Variants in NAALADL2 observed in about 807,000 individuals in gnomAD.
The protein encoded by NAALADL2 is N-acetylated alpha-linked acidic dipeptidase like 2, also known as inactive N-acetylated-alpha-linked acidic dipeptidase-like protein 2.
NAALADL2 carries 76 observed loss-of-function variants against 87.2 expected under a neutral mutation model. The ratio of observed to expected loss-of-function variants is 0.87; its 90% CI spans 0.72 to 1.05. NAALADL2 has a LOEUF of 1.05. Among genes scored for constraint, NAALADL2 ranks in the 50% least tolerant of loss-of-function variants. The pLI is 0.00. For missense variants in NAALADL2, 1,089 were observed against 945.8 expected, an observed-to-expected ratio of 1.15 and a Z score of -1.99; for synonymous variants, 354 against 331.0, an observed-to-expected ratio of 1.07 and a Z score of -0.75.
intron 3 of NAALADL2, among the ~76,000 whole-genome samples, chr3:175,239,615 G>T (rs917926778): frequency 6.6e-6 from 1 of 151,936 alleles, no homozygotes; most frequent in Non-Finnish European, 1.5e-5. Flanking sequence ...TTTTTTATCT[G>T]AAAGATAAGC....
chr3:174,510,049 T>C (rs994940596), intron 1 of NAALADL2, among the ~76,000 whole-genome samples: 1 of 152,160 alleles, frequency 6.6e-6, no homozygotes, highest in Non-Finnish European at 1.5e-5. Context: ...AATTACATAA[T>C]ATATTTTTTG....
At chr3:174,689,188 A>G (rs888171612) in intron 2 of NAALADL2, among the ~76,000 whole-genome samples, 11 of 152,108 alleles carry the variant, frequency 7.2e-5, no homozygotes, top group African/African-American at 2.7e-4. Context: ...CATGAAAATA[A>G]CTTTTATATG....
At chr3:175,060,260 A>T (rs376354169) in intron 1 of NAALADL2, among the ~76,000 whole-genome samples, 116 of 152,334 alleles carry the variant, frequency 7.6e-4, no homozygotes, top group African/African-American at 2.6e-3. Flanking sequence ...ATTTCAATAT[A>T]TTAAAGTCCC....
chr3:174,680,844 A>G (rs920710793), intron 2 of NAALADL2, among the ~76,000 whole-genome samples: 1 of 152,192 alleles, frequency 6.6e-6, no homozygotes, highest in Admixed American at 6.5e-5. Context: ...AACTATACAT[A>G]CAAATAAATA....
At chr3:175,435,400 A>T (rs1038314464) in intron 5 of NAALADL2, among the ~76,000 whole-genome samples, 3 of 152,104 alleles carry the variant, frequency 2.0e-5, no homozygotes, top group African/African-American at 4.8e-5. Context: ...CAATTCAATT[A>T]TAGGACAGAC....
chr3:174,911,824 C>T (rs749870686), intron 1 of NAALADL2, among the ~76,000 whole-genome samples: 64 of 152,124 alleles, frequency 4.2e-4, no homozygotes, highest in Admixed American at 1.1e-3. Context: ...ACGATGTAGC[C>T]TCAAGTATGT....
chr3:174,568,811 C>CATT (rs918062973), intron 2 of NAALADL2, among the ~76,000 whole-genome samples: 8 of 150,840 alleles, frequency 5.3e-5, no homozygotes, highest in South Asian at 2.1e-4. Flanking sequence ...ATTCCACGTT[C>CATT]ATTATTATTA....
intron 2 of NAALADL2, among the ~76,000 whole-genome samples, chr3:175,209,977 A>G (rs1741523620): frequency 2.0e-5 from 3 of 151,888 alleles, no homozygotes; most frequent in African/African-American, 7.2e-5. Flanking sequence ...GAAAATAGCC[A>G]ACGAATAGTA....
chr3:175,157,266 G>T (rs1005922827), intron 2 of NAALADL2, among the ~76,000 whole-genome samples: 1 of 152,068 alleles, frequency 6.6e-6, no homozygotes, highest in Non-Finnish European at 1.5e-5. Flanking sequence ...AGCATGAACT[G>T]CAGAAGGCAG....
At chr3:175,071,652 C>G (rs992195233) in intron 1 of NAALADL2, among the ~76,000 whole-genome samples, 5 of 151,880 alleles carry the variant, frequency 3.3e-5, no homozygotes, top group African/African-American at 1.2e-4. Context: ...TATCAGTTGA[C>G]TGGGGAATGT....
chr3:174,823,847 A>T (rs1401346456), intron 3 of NAALADL2, among the ~76,000 whole-genome samples: 1 of 152,170 alleles, frequency 6.6e-6, no homozygotes. Context: ...AGTAGCTGGG[A>T]CTACAGGCAT....
intron 11 of NAALADL2, among the ~76,000 whole-genome samples, chr3:175,701,787 G>T (rs959136639): frequency 6.6e-6 from 1 of 152,134 alleles, no homozygotes; most frequent in African/African-American, 2.4e-5. Flanking sequence ...ATATTTCAAA[G>T]AATGTATTCA....
intron 11 of NAALADL2, among the ~76,000 whole-genome samples, chr3:175,652,483 T>C (rs982402053): frequency 1.8e-4 from 26 of 147,064 alleles, no homozygotes; most frequent in South Asian, 1.3e-3. Context: ...TTCTTTCTTT[T>C]TTTTTTTTTT....
rs151113360 is a variant in NAALADL2 at position 175,346,981 on chromosome 3, C to T, written c.1090+22656C>T. Among the ~76,000 whole-genome samples the T allele has an allele frequency of 3.0e-3, 397 of 133,240 alleles. 1 individual carries two copies. Among genetic ancestry groups the T allele is most frequent in the African/African-American group, 9.7e-3 (369 of 38,226 alleles). The allele number at this position is 133,240 out of a possible 152,430, so 87.4% of individuals were successfully genotyped here. On this transcript the variant is annotated intron_variant, in intron 5 of 13. Coordinates refer to ENST00000454872, the MANE Select transcript of NAALADL2 (RefSeq NM_207015.3). ...GGGCCTTTATACAAATTTAGTCTTG[C>T]GAGACAAGTATTACTGTTAACATTT...
At chr3:174,971,702 T>TGTGTGTG (rs1743677276) in intron 1 of NAALADL2, among the ~76,000 whole-genome samples, 1 of 149,682 alleles carries the variant, frequency 6.7e-6, no homozygotes, top group African/African-American at 2.4e-5. Flanking sequence ...TGTGTGTGTG[T>TGTGTGTG]TTAGTTTGTT....
chr3:174,715,544 T>C (rs1731100975), intron 2 of NAALADL2, among the ~76,000 whole-genome samples: 1 of 152,180 alleles, frequency 6.6e-6, no homozygotes, highest in Non-Finnish European at 1.5e-5. Flanking sequence ...CACTGGAGAA[T>C]GGGTTTCCTC....
chr3:175,162,135 A>G (rs562180038), intron 2 of NAALADL2, among the ~76,000 whole-genome samples: 1 of 152,232 alleles, frequency 6.6e-6, no homozygotes, highest in African/African-American at 2.4e-5. Flanking sequence ...ATTTGGTGTG[A>G]AATATAAACT....
rs144368969 is a variant in NAALADL2 at position 174,752,607 on chromosome 3, C to T, written c.-9+14861C>T. ...GTGATTTTTTTTTTATTTCACATAA[C>T]CAGCTTTCAGTTTTCTTCTTAACTC... On this transcript the variant is annotated intron_variant, in intron 3 of 3. Coordinates refer to the NAALADL2 transcript ENST00000434257. Among the ~76,000 whole-genome samples the T allele has an allele frequency of 1.6e-4, 24 of 151,310 alleles. No homozygotes were observed. The East Asian group carries it at 4.5e-3, about 28-fold the overall frequency.
At chr3:175,197,943 G>A (rs1580883093) in intron 2 of NAALADL2, among the ~76,000 whole-genome samples, 2 of 151,990 alleles carry the variant, frequency 1.3e-5, no homozygotes, top group East Asian at 3.9e-4. Flanking sequence ...TCCATTAGAT[G>A]TTTGTGGGAA....
Sources: gnomAD v4.1 joint callset for allele counts (sites outside exome capture counted in the v4.1 genomes callset) on GRCh38, gnomAD v4.1.1 for gene constraint, MANE v1.5 for transcripts, NCBI Gene and HGNC (gene_info 2026-07-23, HGNC 2026-07-21) for gene names.